TMEM131: variants seen among roughly 807,000 people sequenced by gnomAD.
TMEM131 encodes the protein transmembrane protein 131.
Under a neutral mutation model 211.6 loss-of-function variants are expected in TMEM131, and 66 were observed. The ratio of observed to expected loss-of-function variants is 0.31; its 90% CI spans 0.26 to 0.38. The LOEUF (loss-of-function observed/expected upper bound fraction) is 0.38. Among genes scored for constraint, TMEM131 ranks in the 10% least tolerant of loss-of-function variants. TMEM131 has a pLI of 1.00. For synonymous variants in TMEM131, 844 were observed against 841.3 expected, an observed-to-expected ratio of 1.00 and a Z score of -0.06; for missense variants, 2,036 against 2,299.3, an observed-to-expected ratio of 0.89 and a Z score of 2.34.
Position 97,863,170 on chromosome 2 carries a change from C to T in TMEM131, c.360-3743G>A, listed in dbSNP as rs189400437. Among the ~76,000 whole-genome samples the T allele has an allele frequency of 1.0e-3, 153 of 152,116 alleles. 2 individuals are homozygous for T. In the South Asian group the frequency reaches 0.031, roughly 30 times the overall value. On this transcript the variant is annotated intron_variant, in intron 4 of 40. Coordinates refer to ENST00000186436, the MANE Select transcript of TMEM131 (RefSeq NM_015348.2). The stretch of plus-strand genomic sequence containing the variant: ...TATCTGGCAAAAATATCCTTTCCAG[C>T]GAAAATATCCTTCAAATATGAAAGA...
intron 4 of TMEM131, among the ~76,000 whole-genome samples, chr2:97,883,512 T>C (rs1000972163): frequency 2.6e-5 from 4 of 152,216 alleles, no homozygotes; most frequent in African/African-American, 4.8e-5. Flanking sequence ...TCCTCACTTG[T>C]CATAGACTGA....
chr2:97,832,034 T>TAAGAG (rs1682724839), intron 11 of TMEM131, among the ~76,000 whole-genome samples: 2 of 119,246 alleles, frequency 1.7e-5, no homozygotes, highest in African/African-American at 6.2e-5. Flanking sequence ...AAAGCAGCTC[T>TAAGAG]AACTCAGCTT....
intron 32 of TMEM131, among the ~76,000 whole-genome samples, chr2:97,773,811 C>G (rs934257259): frequency 1.3e-5 from 2 of 152,126 alleles, no homozygotes; most frequent in Non-Finnish European, 2.9e-5. Context: ...ACCATGTTGC[C>G]CAGGCTGCAC....
intron 1 of TMEM131, among the ~76,000 whole-genome samples, chr2:97,989,683 A>G (rs1289687560): frequency 6.6e-6 from 1 of 152,244 alleles, no homozygotes; most frequent in Non-Finnish European, 1.5e-5. Flanking sequence ...ATACTCTATC[A>G]TGACTGACCA....
chr2:97,844,231 C>A lies in TMEM131; in HGVS notation c.514G>T (p.Asp172Tyr). The change falls in exon 6 of 41, where the codon GAT becomes TAT. Residue 172 changes from aspartate (D) to tyrosine (Y), a missense_variant. Physicochemically the swap from Asp to Tyr is radical, Grantham distance 160. Coordinates refer to ENST00000186436, the MANE Select transcript of TMEM131 (RefSeq NM_015348.2). ...KILPGGNTSF[D>Y]VVFLARVVGN... Reference sequence around the variant, plus strand: ...ACTACTCTTGCAAGAAAAACTACATCAAATGATGTATTTCCTCCTGGAAGA... The same window carrying A: ...ACTACTCTTGCAAGAAAAACTACATAAAATGATGTATTTCCTCCTGGAAGA... The A allele has an allele frequency of 7.5e-7, 1 of 1,326,464 alleles. No homozygotes were observed. Among genetic ancestry groups the A allele is most frequent in the Non-Finnish European group, 9.9e-7 (1 of 1,008,116 alleles). The allele number at this position is 1,326,464 out of a possible 1,614,324, so 82.2% of individuals were successfully genotyped here.
At chr2:97,851,558 C>A (rs1673628824) in intron 5 of TMEM131, among the ~76,000 whole-genome samples, 1 of 152,228 alleles carries the variant, frequency 6.6e-6, no homozygotes, top group Non-Finnish European at 1.5e-5. Context: ...TCAAGCAAGT[C>A]TATCAGTGTC....
intron 6 of TMEM131, among the ~76,000 whole-genome samples, chr2:97,842,214 T>C (rs1484288496): frequency 1.3e-5 from 2 of 152,006 alleles, no homozygotes; most frequent in East Asian, 1.9e-4. Flanking sequence ...AAGAAGAAAA[T>C]AGGGAGTCAA....
Position 97,995,712 on chromosome 2 carries a change from G to A in TMEM131, c.-50C>T, listed in dbSNP as rs1680480976. ...CTCGAGGTCCGGCGCGGCCCTTCTC[G>A]GCGAGGCGGCGGCGGCGCGGAAGCC... On this transcript the variant is annotated 5_prime_UTR_variant, in exon 1 of 41. Transcript: ENST00000186436. 2.6e-6 allele frequency: 3 copies of A among 1,160,684 alleles called. No homozygotes were observed. The highest frequency in any genetic ancestry group is 2.1e-6 in the Non-Finnish European group (2 of 939,192). The allele number at this position is 1,160,684 out of a possible 1,614,324, so 71.9% of individuals were successfully genotyped here.
At chr2:97,818,230 AT>A (rs1439670161) in intron 12 of TMEM131, among the ~76,000 whole-genome samples, 1 of 152,126 alleles carries the variant, frequency 6.6e-6, no homozygotes, top group Non-Finnish European at 1.5e-5. Context: ...AATACTTTTT[AT>A]TTTTGCTCTC....
chr2:97,793,289 AT>A (rs1489244183), intron 30 of TMEM131, 105 bp downstream of exon 30: 31 of 1,245,636 alleles, frequency 2.5e-5, no homozygotes, highest in East Asian at 7.1e-5. Flanking sequence ...CAGAATTAAG[AT>A]TTTTTTTCTC....
chr2:97,920,013 C>T (rs575606230), intron 2 of TMEM131, among the ~76,000 whole-genome samples: 2 of 152,296 alleles, frequency 1.3e-5, no homozygotes, highest in East Asian at 3.9e-4. Flanking sequence ...GAGGTAAGGC[C>T]ACGTTCTTCT....
intron 2 of TMEM131, among the ~76,000 whole-genome samples, chr2:97,914,238 G>C (rs1193650000): frequency 2.0e-5 from 3 of 152,130 alleles, no homozygotes; most frequent in Non-Finnish European, 4.4e-5. Context: ...GATAACTGTA[G>C]ATTCACATGC....
chr2:97,892,847 A>C (rs930987068), intron 3 of TMEM131, among the ~76,000 whole-genome samples: 82 of 152,278 alleles, frequency 5.4e-4, no homozygotes, highest in African/African-American at 1.9e-3. Context: ...ATTAAAGTTC[A>C]CTTTTTCTTT....
At chr2:97,807,271 C>G (rs1681349451) in intron 19 of TMEM131, among the ~76,000 whole-genome samples, 1 of 152,152 alleles carries the variant, frequency 6.6e-6, no homozygotes, top group South Asian at 2.1e-4. Flanking sequence ...CCCTCTAAAT[C>G]TCATGCTGAA....
chr2:97,921,876 CAGA>C (rs1348356629), intron 2 of TMEM131, among the ~76,000 whole-genome samples: 2 of 152,106 alleles, frequency 1.3e-5, no homozygotes, highest in African/African-American at 4.8e-5. Flanking sequence ...TTCTCCAGAA[CAGA>C]AGGAGGGAAG....
Position 97,805,632 on chromosome 2 carries a change from T to C in TMEM131, c.2127A>G (p.Arg709=). 6.2e-7 allele frequency: 1 copy of C among 1,611,760 alleles called. No individual in the cohort carries two copies. Among genetic ancestry groups the C allele is most frequent in the Non-Finnish European group, 8.5e-7 (1 of 1,178,208 alleles). Residue 709 remains arginine (R), a synonymous_variant, in exon 20 of 41, where the codon CGA becomes CGG. Transcript: ENST00000186436. ...AAAATCGCACATCTTCTGACAAAGA[T>C]CGTATTTGCTGTATTTTTACCTTCT... ...FSQKVKIQQI[R]SLSEDVRFYY... is the part of the protein sequence containing the mutation.
At position 97,773,361 on chromosome 2, in the gene TMEM131, G is replaced by C. The variant is rs201188837; in HGVS notation, c.4321-937C>G. 3.3e-5 allele frequency among the ~76,000 whole-genome samples: 5 copies of C among 152,292 alleles called. No homozygotes were observed. In the East Asian group the frequency reaches 7.7e-4, roughly 24 times the overall value. ...TCCTAAGGATGGTGAAGTCTAGCAGGAGGGAGACACACGACAGACGCCAGC... is the reference window on the plus strand; with the variant it reads ...TCCTAAGGATGGTGAAGTCTAGCAGCAGGGAGACACACGACAGACGCCAGC... On this transcript the variant is annotated intron_variant, in intron 32 of 40. Transcript: ENST00000186436.
rs1404131785 is a variant in TMEM131 at position 97,840,925 on chromosome 2, C to A, written c.723+890G>T. Among the ~76,000 whole-genome samples, 3 of 152,328 alleles carry A rather than the reference C, an allele frequency of 2.0e-5. No homozygotes were observed. The East Asian group carries it at 5.8e-4, about 29-fold the overall frequency. The stretch of plus-strand genomic sequence containing the variant: ...GGCTCTGAACATTTCCCTGGTTCAT[C>A]CTCATTTCCTCTTCCATTGTTTATG... On this transcript the variant is annotated intron_variant, in intron 7 of 40. Coordinates refer to ENST00000186436, the MANE Select transcript of TMEM131 (RefSeq NM_015348.2).
chr2:97,863,065 G>A (rs1171592962), intron 4 of TMEM131, among the ~76,000 whole-genome samples: 1 of 152,118 alleles, frequency 6.6e-6, no homozygotes, highest in South Asian at 2.1e-4. Flanking sequence ...TACAGGCCAG[G>A]AGAGACTGGC....
Sources: allele counts gnomAD v4.1 joint callset (sites outside exome capture counted in the v4.1 genomes callset), GRCh38; gene constraint gnomAD v4.1.1; transcripts MANE v1.5; gene names NCBI Gene and HGNC (gene_info 2026-07-23, HGNC 2026-07-21).